SERAC1: variants seen among roughly 807,000 people sequenced by gnomAD.
SERAC1 encodes serine active site containing 1.
A neutral mutation model predicts 85.7 loss-of-function variants in SERAC1; 36 were observed. The ratio of observed to expected loss-of-function variants is 0.42; its 90% CI spans 0.32 to 0.55. The LOEUF (loss-of-function observed/expected upper bound fraction) is 0.55. Among genes scored for constraint, SERAC1 ranks in the 20% least tolerant of loss-of-function variants. SERAC1 has a pLI of 0.11. For missense variants in SERAC1, 629 were observed against 796.2 expected (o/e 0.79, Z 2.53); for synonymous variants, 242 against 265.3 (o/e 0.91, Z 0.85).
intron 2 of SERAC1, 22 bp downstream of exon 2, chr6:158,158,251 G>T: frequency 1.3e-6 from 2 of 1,536,170 alleles, no homozygotes; most frequent in Non-Finnish European, 1.8e-6. Flanking sequence ...AAGAAAATAA[G>T]AGTTGTTTAA....
At chr6:158,123,569 T>C (rs1784468952) in intron 10 of SERAC1, among the ~76,000 whole-genome samples, 1 of 152,200 alleles carries the variant, frequency 6.6e-6, no homozygotes, top group African/African-American at 2.4e-5. Flanking sequence ...AGGTAGCTGA[T>C]TGGAGAAACA....
chr6:158,143,057 T>C lies in SERAC1; in HGVS notation c.737A>G (p.Lys246Arg). The change falls in exon 8 of 17, where the codon AAG becomes AGG. Residue 246 changes from lysine to arginine, a missense_variant and splice_region_variant. By Grantham distance (26) the Lys-to-Arg change is conservative (BLOSUM62 2). Coordinates refer to ENST00000647468, the MANE Select transcript of SERAC1 (RefSeq NM_032861.4). ...SESSQSLAAQ[K>R]GGLWCFGGNG... ...TACTGAATGAATACATGAACTAACC[T>C]TCTGAGCAGCTAGACTCTGACTGCT... The C allele has an allele frequency of 6.2e-7, 1 of 1,608,940 alleles. No homozygotes were observed. The highest frequency in any genetic ancestry group is 8.5e-7 in the Non-Finnish European group (1 of 1,177,200).
rs1285376981 is a variant in SERAC1 at position 158,146,860 on chromosome 6, G to A, written c.409C>T (p.Leu137=). 54 of 1,613,878 alleles carry A rather than the reference G, an allele frequency of 3.3e-5. No individual in the cohort carries two copies. Among genetic ancestry groups the A allele is most frequent in the Non-Finnish European group, 4.6e-5 (54 of 1,179,874 alleles). The change falls in exon 6 of 17, where the codon CTA becomes TTA. Residue 137 remains leucine, a synonymous_variant. Coordinates refer to ENST00000647468, the MANE Select transcript of SERAC1 (RefSeq NM_032861.4). ...TTGTCATCTGACTTGCTCTTCCGTA[G>A]GAGCAGCCACACAGCACACTCATGA... ...EDHECAVWLL[L]RKSKSDDKTT...
chr6:158,146,965 T>C, intron 5 of SERAC1, 52 bp from the exon 6 acceptor site: 4 of 1,577,090 alleles, frequency 2.5e-6, no homozygotes, highest in South Asian at 1.1e-5. Context: ...ATAATACTTT[T>C]ATCTTCACTT....
At chr6:158,149,280 T>C (rs1005353677) in intron 4 of SERAC1, among the ~76,000 whole-genome samples, 2 of 152,160 alleles carry the variant, frequency 1.3e-5, no homozygotes, top group Non-Finnish European at 2.9e-5. Flanking sequence ...GCGTGAGCCA[T>C]CACACCCGGC....
At chr6:158,137,211 A>C (rs1784814911) in intron 8 of SERAC1, among the ~76,000 whole-genome samples, 1 of 151,836 alleles carries the variant, frequency 6.6e-6, no homozygotes, top group African/African-American at 2.4e-5. Context: ...ATGAGACATT[A>C]GAATTACAAT....
chr6:158,166,506 T>G (rs1374158910), intron 1 of SERAC1, among the ~76,000 whole-genome samples: 1 of 152,230 alleles, frequency 6.6e-6, no homozygotes, highest in Non-Finnish European at 1.5e-5. Flanking sequence ...ATATAAATTT[T>G]AAGTTCAGCA....
chr6:158,154,784 T>C (rs1256727755), intron 3 of SERAC1, among the ~76,000 whole-genome samples: 1 of 152,180 alleles, frequency 6.6e-6, no homozygotes, highest in Non-Finnish European at 1.5e-5. Flanking sequence ...AATTTGTACC[T>C]TTTTCACCCA....
intron 10 of SERAC1, among the ~76,000 whole-genome samples, chr6:158,126,616 C>G (rs1034643162): frequency 5.3e-5 from 8 of 152,074 alleles, no homozygotes. Flanking sequence ...AAGACTAGAT[C>G]GGGCAGGAAC....
At position 158,114,817 on chromosome 6, in the gene SERAC1, G is replaced by A; in HGVS notation, c.1656C>T (p.Pro552=). 6.2e-7 allele frequency: 1 copy of A among 1,604,826 alleles called. No individual in the cohort carries two copies. Among genetic ancestry groups the A allele is most frequent in the Non-Finnish European group, 8.5e-7 (1 of 1,176,566 alleles). Residue 552 remains proline (P), a synonymous_variant, in exon 15 of 17, where the codon CCC becomes CCT. Transcript: ENST00000647468. ...TGCTGAGTTCTTTGACTTCCAACGA[G>A]GGGAAGAGAAGATAGCGAATATTAA... is the stretch of plus-strand genomic sequence containing the variant. ...YSVNIRYLLF[P]SLEVKELSKD...
chr6:158,112,179 A>G (rs527516571), intron 16 of SERAC1: 29 of 152,754 alleles, frequency 1.9e-4, no homozygotes, highest in Non-Finnish European at 3.2e-4. Context: ...TGGGAGGCCA[A>G]CGCAGGAGGA....
rs1784956676 is a variant in SERAC1 at position 158,143,100 on chromosome 6, A to G, written c.694T>C (p.Ser232Pro). Residue 232 changes from serine (S) to proline (P), a missense_variant, in exon 8 of 17, where the codon TCT (serine) becomes CCT (proline). Ser to Pro is a moderately conservative substitution (Grantham distance 74). Coordinates refer to ENST00000647468, the MANE Select transcript of SERAC1 (RefSeq NM_032861.4). ...ELDECIQYFT[S>P]LALSESSQSL... ...TGACTGCTTTCACTAAGAGCCAAAG[A>G]TGTAAAATACTGGATACACTCATCT... 1 of 1,613,350 alleles carries G rather than the reference A, an allele frequency of 6.2e-7. No individual in the cohort carries two copies. The highest frequency in any genetic ancestry group is 8.5e-7 in the Non-Finnish European group (1 of 1,179,652).
At position 158,114,785 on chromosome 6, in the gene SERAC1, T is replaced by G. The variant is rs1292214446; in HGVS notation, c.1684+4A>C. 1.2e-6 allele frequency: 2 copies of G among 1,609,434 alleles called. No homozygotes were observed. The highest frequency in any genetic ancestry group is 1.7e-6 in the Non-Finnish European group (2 of 1,178,316). On this transcript the variant is annotated splice_donor_region_variant and intron_variant, in intron 15 of 16. Transcript: ENST00000647468. ...CCAATTTCCTTTATGACAAAAAGTA[T>G]TACCCTTGCTGAGTTCTTTGACTTC...
At chr6:158,139,120 T>TG (rs1562447564) in intron 8 of SERAC1, among the ~76,000 whole-genome samples, 2 of 151,968 alleles carry the variant, frequency 1.3e-5, no homozygotes, top group Non-Finnish European at 2.9e-5. Context: ...GCCCAGGCTG[T>TG]TCTCAAACTC....
chr6:158,140,966 T>C (rs538185351), intron 8 of SERAC1, among the ~76,000 whole-genome samples: 2 of 152,318 alleles, frequency 1.3e-5, no homozygotes, highest in East Asian at 3.9e-4. Flanking sequence ...GCAGTATTAT[T>C]CATACATAAT....
At chr6:158,161,062 C>G (rs758109414) in intron 1 of SERAC1, 1 of 152,142 alleles carries the variant, frequency 6.6e-6, no homozygotes, top group Non-Finnish European at 1.5e-5. Flanking sequence ...TAAAAATGCT[C>G]TATTTTAGAT....
At position 158,120,727 on chromosome 6, in the gene SERAC1, C is replaced by A; in HGVS notation, c.1016-152G>T. 1 of 787,746 alleles carries A rather than the reference C, an allele frequency of 1.3e-6. No homozygotes were observed. Among genetic ancestry groups the A allele is most frequent in the Non-Finnish European group, 2.0e-6 (1 of 508,300 alleles). The allele number at this position is 787,746 out of a possible 1,614,324, so 48.8% of individuals were successfully genotyped here. A position where few individuals can be genotyped will look rare whatever the true frequency, so the allele number is the denominator to read the frequency against. On this transcript the variant is annotated intron_variant, in intron 10 of 16. Coordinates refer to ENST00000647468, the MANE Select transcript of SERAC1 (RefSeq NM_032861.4). The surrounding 1 kb of genome is among the most constrained non-coding windows in gnomAD (Gnocchi z 4.4). ...TCCGACTATTCCAACCCCATTCTGC[C>A]CTACGATCCTCTGAGACCTGTGGCA...
intron 3 of SERAC1, among the ~76,000 whole-genome samples, chr6:158,154,159 C>CA (rs3041474): frequency 0.049 from 3,199 of 65,748 alleles, 272 homozygotes; most frequent in African/African-American, 0.16. Flanking sequence ...AACTCTGTCT[C>CA]AAAAAAAAAA....
At position 158,117,958 on chromosome 6, in the gene SERAC1, G is replaced by A. The variant is rs184415743; in HGVS notation, c.1309-137C>T. 67 of 665,510 alleles carry A rather than the reference G, an allele frequency of 1.0e-4. No individual in the cohort carries two copies. Among genetic ancestry groups the A allele is most frequent in the East Asian group, 4.4e-4 (16 of 36,492 alleles). The allele number at this position is 665,510 out of a possible 1,614,324, so 41.2% of individuals were successfully genotyped here. ...CACTGGAATAAGGTTTGAAGGTACCGTAAAAACAATTCCAGCACTATCTTT... is the reference window on the plus strand; with the variant it reads ...CACTGGAATAAGGTTTGAAGGTACCATAAAAACAATTCCAGCACTATCTTT... On this transcript the variant is annotated intron_variant, in intron 12 of 16. Coordinates refer to ENST00000647468, the MANE Select transcript of SERAC1 (RefSeq NM_032861.4). This position sits in a 1 kb window ranked among gnomAD's most constrained non-coding sequence, Gnocchi z 4.3.
Sources: allele counts gnomAD v4.1 joint callset (sites outside exome capture counted in the v4.1 genomes callset), GRCh38; gene constraint gnomAD v4.1.1; non-coding constraint Gnocchi (gnomAD v3.1); transcripts MANE v1.5; gene names NCBI Gene and HGNC (gene_info 2026-07-23, HGNC 2026-07-21).